The following LINGO2 variants were observed in gnomAD, a reference collection of about 807,000 sequenced individuals.
LINGO2 encodes the protein leucine-rich repeat and immunoglobulin-like domain-containing nogo receptor-interacting protein 2.
A neutral mutation model predicts 30.6 loss-of-function variants in LINGO2; 14 were observed. The ratio of observed to expected loss-of-function variants is 0.46; its 90% CI spans 0.30 to 0.72. LINGO2 has a LOEUF of 0.72. Ranked by LOEUF, LINGO2 falls within the 30% of genes least tolerant of loss-of-function variation. The pLI is 0.07. For synonymous variants in LINGO2, 317 were observed against 288.5 expected, an observed-to-expected ratio of 1.10 and a Z score of -1.00; for missense variants, 729 against 751.7, an observed-to-expected ratio of 0.97 and a Z score of 0.35.
intron 1 of LINGO2, among the ~76,000 whole-genome samples, chr9:28,546,171 G>A (rs560641650): frequency 3.3e-5 from 5 of 152,072 alleles, no homozygotes; most frequent in East Asian, 1.9e-4. Flanking sequence ...CCTTTAGATC[G>A]ATTAGTTTTC....
At chr9:28,633,576 C>T (rs1827103503) in intron 1 of LINGO2, among the ~76,000 whole-genome samples, 1 of 152,084 alleles carries the variant, frequency 6.6e-6, no homozygotes, top group South Asian at 2.1e-4. Flanking sequence ...GTAACATGTA[C>T]TTTAATAAGC....
At chr9:28,632,100 T>C (rs1336703353) in intron 1 of LINGO2, among the ~76,000 whole-genome samples, 2 of 151,964 alleles carry the variant, frequency 1.3e-5, no homozygotes, top group Non-Finnish European at 2.9e-5. Context: ...TGACACATAG[T>C]GGAGTGTGAC....
intron 3 of LINGO2, among the ~76,000 whole-genome samples, chr9:28,321,535 G>A (rs189695996): frequency 1.3e-5 from 2 of 152,222 alleles, no homozygotes; most frequent in African/African-American, 4.8e-5. Context: ...CTGGTTGCAA[G>A]CAATTGAAAC....
At chr9:28,865,531 C>A in the LINGO2 span, among the ~76,000 whole-genome samples, 1 of 152,010 alleles carries the variant, frequency 6.6e-6, no homozygotes, top group Non-Finnish European at 1.5e-5. Flanking sequence ...GTCTGTAATC[C>A]CAGCACTTTG....
chr9:28,329,840 GAAA>G lies in LINGO2; in HGVS notation c.-245-34477_-245-34475del, dbSNP rs1410327701. ...TATATCACCTTGTGCATATCTCTATGAAAGCACCTCACCTGTGTATAGCTCTAT... is the reference window on the plus strand; with the variant it reads ...TATATCACCTTGTGCATATCTCTATGGCACCTCACCTGTGTATAGCTCTAT... On this transcript the variant is annotated intron_variant, in intron 3 of 5. Coordinates refer to ENST00000379992, the Ensembl canonical transcript of LINGO2. The surrounding 1 kb of genome is among the most constrained non-coding windows in gnomAD (Gnocchi z 4.5). Among the ~76,000 whole-genome samples the G allele has an allele frequency of 6.6e-6, 1 of 152,096 alleles. No homozygotes were observed. The highest frequency in any genetic ancestry group is 1.5e-5 in the Non-Finnish European group (1 of 68,036).
At chr9:28,760,072 T>C in the LINGO2 span, among the ~76,000 whole-genome samples, 1 of 152,114 alleles carries the variant, frequency 6.6e-6, no homozygotes, top group African/African-American at 2.4e-5. Context: ...ATTATAAATG[T>C]TCTTGATTAG....
At chr9:28,733,783 A>C in the LINGO2 span, among the ~76,000 whole-genome samples, 1 of 152,140 alleles carries the variant, frequency 6.6e-6, no homozygotes, top group African/African-American at 2.4e-5. Flanking sequence ...TGAGGTGAAC[A>C]CACCTGTATT....
chr9:29,047,959 A>C, the LINGO2 span, among the ~76,000 whole-genome samples: 1 of 151,216 alleles, frequency 6.6e-6, no homozygotes. Flanking sequence ...ACAACAACAA[A>C]AATTAGCTGG....
intron 1 of LINGO2, among the ~76,000 whole-genome samples, chr9:28,535,527 A>G (rs888265085): frequency 6.6e-6 from 1 of 151,998 alleles, no homozygotes; most frequent in African/African-American, 2.4e-5. Flanking sequence ...AATAAACTGT[A>G]TCTATTTTTT....
At chr9:28,555,745 T>C (rs969702018) in intron 1 of LINGO2, among the ~76,000 whole-genome samples, 6 of 151,412 alleles carry the variant, frequency 4.0e-5, no homozygotes, top group African/African-American at 1.2e-4. Context: ...GCAAAAATCC[T>C]CAATAAAATA....
At chr9:28,212,974 C>T (rs1168543048) in intron 4 of LINGO2, among the ~76,000 whole-genome samples, 3 of 151,700 alleles carry the variant, frequency 2.0e-5, no homozygotes, top group African/African-American at 7.2e-5. Flanking sequence ...TCCTTACACA[C>T]ACATACACAC....
At chr9:29,198,064 T>G in the LINGO2 span, among the ~76,000 whole-genome samples, 8 of 152,172 alleles carry the variant, frequency 5.3e-5, no homozygotes, top group African/African-American at 2.4e-5. Context: ...GCTATGACTC[T>G]GCAGTAGTAG....
At chr9:28,823,976 T>C in the LINGO2 span, among the ~76,000 whole-genome samples, 27 of 152,120 alleles carry the variant, frequency 1.8e-4, no homozygotes, top group African/African-American at 6.0e-4. Context: ...AGGAAAAATA[T>C]ATACATACAA....
the LINGO2 span, among the ~76,000 whole-genome samples, chr9:28,906,206 G>C: frequency 5.7e-4 from 86 of 151,720 alleles, 1 homozygote; most frequent in African/African-American, 2.1e-3. Flanking sequence ...TTAGATAGGA[G>C]GAATAATTTC....
chr9:28,449,125 A>T (rs754113766), intron 2 of LINGO2, among the ~76,000 whole-genome samples: 29 of 150,602 alleles, frequency 1.9e-4, no homozygotes, highest in Admixed American at 8.7e-4. Context: ...TTTCTATAAC[A>T]AATGGTTTTC....
At chr9:28,038,171 A>C (rs995740232) in intron 4 of LINGO2, among the ~76,000 whole-genome samples, 2 of 152,152 alleles carry the variant, frequency 1.3e-5, no homozygotes, top group African/African-American at 4.8e-5. Context: ...AGCTGAAGCA[A>C]CCCAACATTT....
At chr9:28,590,566 A>C (rs921977141) in intron 1 of LINGO2, among the ~76,000 whole-genome samples, 1 of 152,184 alleles carries the variant, frequency 6.6e-6, no homozygotes, top group Non-Finnish European at 1.5e-5. Flanking sequence ...AATGCTCATC[A>C]TCACTGGCCA....
intron 1 of LINGO2, among the ~76,000 whole-genome samples, chr9:28,559,466 T>C (rs2135543533): frequency 6.6e-6 from 1 of 152,212 alleles, no homozygotes; most frequent in East Asian, 1.9e-4. Flanking sequence ...CACATGCATT[T>C]TATTGCCTGT....
At chr9:28,027,772 C>T (rs780897396) in intron 4 of LINGO2, among the ~76,000 whole-genome samples, 3 of 152,162 alleles carry the variant, frequency 2.0e-5, no homozygotes, top group Non-Finnish European at 2.9e-5. Context: ...TAAGAGCTAT[C>T]ATTCTAGCCC....
Sources: gnomAD v4.1 joint callset for allele counts (sites outside exome capture counted in the v4.1 genomes callset) on GRCh38, gnomAD v4.1.1 for gene constraint, Gnocchi (gnomAD v3.1) non-coding constraint, MANE v1.5 for transcripts, NCBI Gene and HGNC (gene_info 2026-07-23, HGNC 2026-07-21) for gene names.